MTMR7: variants seen among roughly 807,000 people sequenced by gnomAD.
The protein encoded by MTMR7 is phosphatidylinositol-3-phosphate phosphatase MTMR7.
In MTMR7, 76 loss-of-function variants were observed where a neutral mutation model predicts 81.2. That is an observed-to-expected ratio of 0.94 (90% CI 0.78 to 1.13). The LOEUF (loss-of-function observed/expected upper bound fraction) is 1.13, where lower values mean the gene tolerates loss of function less well. Ranked by LOEUF, MTMR7 falls within the 50% of genes most tolerant of loss-of-function variation. The probability of loss-of-function intolerance (pLI) is 0.00; values close to 1 mark genes in which losing one functional copy is unlikely to be tolerated. For synonymous variants in MTMR7, 372 were observed against 289.8 expected (o/e 1.28, Z -2.88); for missense variants, 1,044 against 820.0 (o/e 1.27, Z -3.34).
At chr8:17,364,874 A>T (rs1042517577) in intron 3 of MTMR7, among the ~76,000 whole-genome samples, 4 of 152,236 alleles carry the variant, frequency 2.6e-5, no homozygotes, top group Non-Finnish European at 4.4e-5. Context: ...CTGCAACGAA[A>T]ATGTGAGAGC....
chr8:17,359,644 T>C (rs1820002712), intron 4 of MTMR7, among the ~76,000 whole-genome samples: 1 of 146,084 alleles, frequency 6.8e-6, no homozygotes, highest in South Asian at 2.1e-4. Context: ...ATACCCAGAA[T>C]TCAAAATATG....
intron 1 of MTMR7, among the ~76,000 whole-genome samples, chr8:17,381,246 T>C (rs1476888683): frequency 1.3e-5 from 2 of 152,132 alleles, no homozygotes; most frequent in Non-Finnish European, 2.9e-5. Context: ...AGGCCAAGGC[T>C]GAAAACGCTC....
intron 1 of MTMR7, among the ~76,000 whole-genome samples, chr8:17,407,716 T>C (rs1345998808): frequency 3.3e-5 from 5 of 151,946 alleles, no homozygotes; most frequent in Non-Finnish European, 7.4e-5. Flanking sequence ...AAGCAAACAA[T>C]GTTTAGTGCA....
chr8:17,361,382 C>T, intron 3 of MTMR7, 108 bp from the exon 4 acceptor site: 4 of 1,157,396 alleles, frequency 3.5e-6, no homozygotes, highest in Non-Finnish European at 5.0e-6. Flanking sequence ...GCCATCCCAA[C>T]CCCCACCCCC....
Position 17,300,150 on chromosome 8 carries a change from G to C in MTMR7, c.1695C>G (p.His565Gln). The C allele has an allele frequency of 3.1e-6, 5 of 1,614,108 alleles. No homozygotes were observed. The highest frequency in any genetic ancestry group is 1.3e-5 in the African/African-American group (1 of 75,028). ...TGTTGTCTGAGGTAGAAAACCCTGA[G>C]TGCTTGCTGGGCTCACTTTGCTTAC... ...VKSKQSEPSK[H>Q]SGFSTSDNSI... The change falls in exon 14 of 14, where the codon CAC becomes CAG. Residue 565 changes from histidine to glutamine, a missense_variant. Physicochemically the swap from His to Gln is conservative, Grantham distance 24. Transcript: ENST00000180173.
At chr8:17,367,099 C>T (rs193182176) in intron 3 of MTMR7, among the ~76,000 whole-genome samples, 10 of 152,178 alleles carry the variant, frequency 6.6e-5, no homozygotes, top group African/African-American at 2.2e-4. Context: ...GAAATTACCA[C>T]TGCAAAGATT....
intron 3 of MTMR7, among the ~76,000 whole-genome samples, chr8:17,370,456 G>T (rs979776302): frequency 4.7e-5 from 7 of 149,492 alleles, no homozygotes; most frequent in African/African-American, 1.7e-4. Flanking sequence ...GGAGGCAGAG[G>T]TTGCAGTGAG....
chr8:17,297,703 G>GTT lies in MTMR7; in HGVS notation c.*2157_*2158dup, dbSNP rs754623684. The stretch of plus-strand genomic sequence containing the variant: ...CTCAATAAAACACTTCCTGATTAAT[G>GTT]TTTGATTATTAGATATTTTAGTCTT... On this transcript the variant is annotated 3_prime_UTR_variant, in exon 14 of 14. Transcript: ENST00000180173. 6.6e-6 allele frequency: 1 copy of GTT among 151,914 alleles called. No homozygotes were observed. The highest frequency in any genetic ancestry group is 2.4e-5 in the African/African-American group (1 of 41,408). 9.4% of individuals were successfully genotyped at this position (151,914 alleles called of 1,614,324 possible).
At chr8:17,354,232 T>G (rs926243008) in intron 4 of MTMR7, among the ~76,000 whole-genome samples, 15 of 152,168 alleles carry the variant, frequency 9.9e-5, no homozygotes, top group Admixed American at 9.8e-4. Context: ...AGGAGGAGGT[T>G]ATGAACAGGA....
At chr8:17,410,499 A>G (rs1254900709) in intron 1 of MTMR7, among the ~76,000 whole-genome samples, 7 of 152,230 alleles carry the variant, frequency 4.6e-5, no homozygotes, top group Admixed American at 4.6e-4. Context: ...ACAGTGAAGT[A>G]GAAACCTAGA....
intron 1 of MTMR7, among the ~76,000 whole-genome samples, chr8:17,393,335 T>C (rs1821157857): frequency 6.6e-6 from 1 of 152,198 alleles, no homozygotes; most frequent in African/African-American, 2.4e-5. Flanking sequence ...AGGTAATTTC[T>C]TAGATATGGC....
chr8:17,335,862 T>C (rs1819219913), intron 6 of MTMR7, among the ~76,000 whole-genome samples: 1 of 152,230 alleles, frequency 6.6e-6, no homozygotes, highest in Admixed American at 6.5e-5. Flanking sequence ...CAGTCCCGTA[T>C]GTGACGCAAA....
intron 1 of MTMR7, among the ~76,000 whole-genome samples, chr8:17,395,578 A>G (rs1235601564): frequency 6.6e-6 from 1 of 152,188 alleles, no homozygotes; most frequent in African/African-American, 2.4e-5. Flanking sequence ...CTTTGCCAAC[A>G]CTTGTTGTTT....
At chr8:17,359,839 C>G (rs900993767) in intron 4 of MTMR7, among the ~76,000 whole-genome samples, 2 of 152,146 alleles carry the variant, frequency 1.3e-5, no homozygotes, top group African/African-American at 4.8e-5. Flanking sequence ...AGGAATCAAG[C>G]ATTCACAATT....
At chr8:17,411,894 C>T (rs904616417) in intron 1 of MTMR7, among the ~76,000 whole-genome samples, 12 of 152,216 alleles carry the variant, frequency 7.9e-5, no homozygotes, top group African/African-American at 2.7e-4. Flanking sequence ...ACAGCTATCA[C>T]TTTTACAAAC....
chr8:17,318,976 G>A (rs1440835174), intron 7 of MTMR7, among the ~76,000 whole-genome samples: 8 of 152,310 alleles, frequency 5.3e-5, no homozygotes, highest in South Asian at 4.1e-4. Flanking sequence ...CGAACTCACC[G>A]ACACTTCCAA....
chr8:17,297,827 A>C lies in MTMR7; in HGVS notation c.*2035T>G, dbSNP rs1458551528. ...AGCAATAAATGTAACCTTTTATATA[A>C]ATCTCAGTGCTAGGTTAACTTCTAA... On this transcript the variant is annotated 3_prime_UTR_variant, in exon 14 of 14. Coordinates refer to ENST00000180173, the MANE Select transcript of MTMR7 (RefSeq NM_004686.5). 6.7e-6 allele frequency: 1 copy of C among 149,360 alleles called. No individual in the cohort carries two copies. The highest frequency in any genetic ancestry group is 2.5e-5 in the African/African-American group (1 of 40,268). The allele number at this position is 149,360 out of a possible 1,614,324, so 9.3% of individuals were successfully genotyped here.
intron 7 of MTMR7, among the ~76,000 whole-genome samples, chr8:17,321,571 G>A (rs1386411058): frequency 7.2e-5 from 11 of 152,214 alleles, no homozygotes; most frequent in Admixed American, 7.2e-4. Context: ...GGATACACTT[G>A]AGACCAAAGC....
At chr8:17,330,246 C>T (rs985209359) in intron 7 of MTMR7, among the ~76,000 whole-genome samples, 3 of 152,184 alleles carry the variant, frequency 2.0e-5, no homozygotes, top group African/African-American at 7.2e-5. Context: ...AATTCAGCAC[C>T]TTATTTGTCC....
Sources: gnomAD v4.1 joint callset for allele counts (sites outside exome capture counted in the v4.1 genomes callset) on GRCh38, gnomAD v4.1.1 for gene constraint, MANE v1.5 for transcripts, NCBI Gene and HGNC (gene_info 2026-07-23, HGNC 2026-07-21) for gene names.